The following C16orf87 variants were observed in gnomAD, a reference collection of about 807,000 sequenced individuals.
The protein encoded by C16orf87 is HDAC and MIER1 interacting protein 1, also known as UPF0547 protein C16orf87.
A neutral mutation model predicts 21.0 loss-of-function variants in C16orf87; 13 were observed. That is an observed-to-expected ratio of 0.62 (90% CI 0.40 to 0.98). The LOEUF (loss-of-function observed/expected upper bound fraction) is 0.98, where lower values mean the gene tolerates loss of function less well. C16orf87 is among the 50% of genes least tolerant of loss of function. The probability of loss-of-function intolerance (pLI) is 0.00; values close to 1 mark genes in which losing one functional copy is unlikely to be tolerated. For missense variants in C16orf87, 113 were observed against 180.4 expected (o/e 0.63, Z 2.14); for synonymous variants, 49 against 60.2 (o/e 0.81, Z 0.86).
At chr16:46,810,138 G>T (rs539322878) in intron 2 of C16orf87, among the ~76,000 whole-genome samples, 1 of 152,090 alleles carries the variant, frequency 6.6e-6, no homozygotes, top group South Asian at 2.1e-4. Flanking sequence ...ATTAAGAAAG[G>T]AAAAAAACTG....
At chr16:46,813,999 C>T (rs1251892252) in intron 2 of C16orf87, among the ~76,000 whole-genome samples, 1 of 152,144 alleles carries the variant, frequency 6.6e-6, no homozygotes, top group Non-Finnish European at 1.5e-5. Context: ...ATAGGACACA[C>T]ATTTACCTTA....
rs1596835118 is a variant in C16orf87 at position 46,830,456 on chromosome 16, C to T, written c.66+628G>A. On this transcript the variant is annotated intron_variant, in intron 1 of 3. Transcript: ENST00000285697. ...ACAGGGGCTTTATTCAATCATGACC[C>T]ATTAAAAACGATGTAAAGGCAGGAT... Among the ~76,000 whole-genome samples the T allele has an allele frequency of 3.9e-5, 6 of 152,210 alleles. No individual in the cohort carries two copies. The East Asian group carries it at 1.2e-3, about 29-fold the overall frequency.
At chr16:46,826,024 T>A (rs976509255) in intron 1 of C16orf87, among the ~76,000 whole-genome samples, 1 of 152,082 alleles carries the variant, frequency 6.6e-6, no homozygotes, top group East Asian at 1.9e-4. Context: ...AAAAGTATGC[T>A]GACATAAAAA....
intron 2 of C16orf87, among the ~76,000 whole-genome samples, chr16:46,821,525 A>G (rs1959413047): frequency 6.6e-6 from 1 of 152,168 alleles, no homozygotes; most frequent in African/African-American, 2.4e-5. Context: ...TCTTCACTTC[A>G]AAGTCAAAAG....
intron 1 of C16orf87, chr16:46,830,865 G>A (rs1035033657): frequency 2.7e-5 from 10 of 366,400 alleles, no homozygotes; most frequent in Non-Finnish European, 4.9e-5. Flanking sequence ...GGGCTTGGCC[G>A]TCTGGCCGCC....
At chr16:46,820,106 A>G (rs916905714) in intron 2 of C16orf87, among the ~76,000 whole-genome samples, 4 of 152,234 alleles carry the variant, frequency 2.6e-5, no homozygotes, top group Non-Finnish European at 5.9e-5. Context: ...CGAAGGTATA[A>G]ATAATTGATT....
In C16orf87 at chr16:46,824,510, T is replaced by C. The variant is rs1463681275; in HGVS notation, c.67-28A>G. 5.2e-6 allele frequency: 5 copies of C among 958,624 alleles called. No individual in the cohort carries two copies. In the African/African-American group the frequency reaches 8.5e-5, roughly 16 times the overall value. 59.4% of individuals were successfully genotyped at this position (958,624 alleles called of 1,614,324 possible). ...GTAGGAAAAAAAGAAAAATATATAT[T>C]ATTACTATTTTTCTATTGTTAAATT... On this transcript the variant is annotated intron_variant, in intron 1 of 3. Coordinates refer to ENST00000285697, the MANE Select transcript of C16orf87 (RefSeq NM_001001436.4).
rs1268471592 is a variant in C16orf87 at position 46,796,826 on chromosome 16, T to C, written c.*6126A>G. On this transcript the variant is annotated 3_prime_UTR_variant, in exon 4 of 4. Coordinates refer to ENST00000285697, the MANE Select transcript of C16orf87 (RefSeq NM_001001436.4). Reference sequence around the variant, plus strand: ...AGTAGAGCAGAAAATATCTGAATGGTTTAAAACTTTACATAATCTGATGAA... The same window carrying C: ...AGTAGAGCAGAAAATATCTGAATGGCTTAAAACTTTACATAATCTGATGAA... The C allele has an allele frequency of 6.6e-6, 1 of 152,110 alleles. No individual in the cohort carries two copies. The highest frequency in any genetic ancestry group is 1.5e-5 in the Non-Finnish European group (1 of 68,014). 9.4% of individuals were successfully genotyped at this position (152,110 alleles called of 1,614,324 possible). A position where few individuals can be genotyped will look rare whatever the true frequency, so the allele number is the denominator to read the frequency against.
In C16orf87 at chr16:46,797,956, A is replaced by C. The variant is rs1373431808; in HGVS notation, c.*4996T>G. ...TCTAAATTGAACACAAAATTACAAC[A>C]CAATAAAATTTGTGAGATAAAGCAA... On this transcript the variant is annotated 3_prime_UTR_variant, in exon 4 of 4. Transcript: ENST00000285697. 1.3e-5 allele frequency: 2 copies of C among 152,174 alleles called. No individual in the cohort carries two copies. Among genetic ancestry groups the C allele is most frequent in the South Asian group, 4.1e-4 (2 of 4,834 alleles). 9.4% of individuals were successfully genotyped at this position (152,174 alleles called of 1,614,324 possible).
intron 3 of C16orf87, among the ~76,000 whole-genome samples, chr16:46,806,415 G>A (rs999946916): frequency 9.2e-5 from 14 of 151,974 alleles, no homozygotes; most frequent in Admixed American, 6.5e-4. Flanking sequence ...GCACCACCAC[G>A]CCCGGCTAAT....
At position 46,800,334 on chromosome 16, in the gene C16orf87, A is replaced by G. The variant is rs1261853675; in HGVS notation, c.*2618T>C. The G allele has an allele frequency of 3.3e-5, 5 of 152,176 alleles. No homozygotes were observed. The highest frequency in any genetic ancestry group is 7.3e-5 in the Non-Finnish European group (5 of 68,028). 9.4% of individuals were successfully genotyped at this position (152,176 alleles called of 1,614,324 possible). On this transcript the variant is annotated 3_prime_UTR_variant, in exon 4 of 4. Transcript: ENST00000285697. ...TACTACACAAGAAATAATTTGCACA[A>G]TTTCCCTTACTTTTATATCATTTAC... is the stretch of plus-strand genomic sequence containing the variant.
rs181178134 is a variant in C16orf87 at position 46,800,555 on chromosome 16, C to G, written c.*2397G>C. ...ATATTTAAGAATAAGTTATCTTCAA[C>G]AGACCTAATCTAATTGTGGAATCAT... On this transcript the variant is annotated 3_prime_UTR_variant, in exon 4 of 4. Coordinates refer to ENST00000285697, the MANE Select transcript of C16orf87 (RefSeq NM_001001436.4). The G allele has an allele frequency of 2.0e-5, 3 of 152,280 alleles. No individual in the cohort carries two copies. In the East Asian group the frequency reaches 5.8e-4, roughly 29 times the overall value. 9.4% of individuals were successfully genotyped at this position (152,280 alleles called of 1,614,324 possible). A position where few individuals can be genotyped will look rare whatever the true frequency, so the allele number is the denominator to read the frequency against.
Position 46,800,173 on chromosome 16 carries a change from G to C in C16orf87, c.*2779C>G, listed in dbSNP as rs1212862236. ...TAGGAAGCAACTCAGAGGTCATACT[G>C]ACCTTTTTTTTTTTTTTCTTAAGTA... On this transcript the variant is annotated 3_prime_UTR_variant, in exon 4 of 4. Transcript: ENST00000285697. 1.3e-5 allele frequency: 1 copy of C among 75,700 alleles called. No homozygotes were observed. Among genetic ancestry groups the C allele is most frequent in the African/African-American group, 3.5e-5 (1 of 28,172 alleles). The allele number at this position is 75,700 out of a possible 1,614,324, so 4.7% of individuals were successfully genotyped here.
rs931611340 is a variant in C16orf87, at chr16:46,821,879, G to A, written c.163+2507C>T. Among the ~76,000 whole-genome samples, 7 of 152,154 alleles carry A rather than the reference G, an allele frequency of 4.6e-5. No individual in the cohort carries two copies. In the South Asian group the frequency reaches 1.0e-3, roughly 23 times the overall value. On this transcript the variant is annotated intron_variant, in intron 2 of 3. Coordinates refer to ENST00000285697, the MANE Select transcript of C16orf87 (RefSeq NM_001001436.4). ...TGAAAAAAAAATCTACACGGATGAT[G>A]TTTCTATACCCAAAATTAAATTCTT...
At chr16:46,826,405 T>C (rs1959620877) in intron 1 of C16orf87, among the ~76,000 whole-genome samples, 1 of 152,234 alleles carries the variant, frequency 6.6e-6, no homozygotes, top group Non-Finnish European at 1.5e-5. Context: ...GTTGTTCTGC[T>C]ATGTAAAAAC....
rs572130974 is a variant in C16orf87, at chr16:46,820,309, TA to T, written c.163+4076del. Among the ~76,000 whole-genome samples, 6 of 152,318 alleles carry T rather than the reference TA, an allele frequency of 3.9e-5. No individual in the cohort carries two copies. In the East Asian group the frequency reaches 1.2e-3, roughly 29 times the overall value. On this transcript the variant is annotated intron_variant, in intron 2 of 3. Coordinates refer to ENST00000285697, the MANE Select transcript of C16orf87 (RefSeq NM_001001436.4). Reference sequence around the variant, plus strand: ...CAATGAGCTTTAATTATAGTTTTTTTAAAAAGATGTTTACTTATGCAAACAA... The same window carrying T: ...CAATGAGCTTTAATTATAGTTTTTTTAAAAGATGTTTACTTATGCAAACAA...
intron 2 of C16orf87, among the ~76,000 whole-genome samples, chr16:46,816,132 T>C (rs1203109473): frequency 6.6e-6 from 1 of 152,150 alleles, no homozygotes; most frequent in Admixed American, 6.5e-5. Flanking sequence ...AAGCCAGACA[T>C]AAAAGTACAA....
intron 1 of C16orf87, among the ~76,000 whole-genome samples, chr16:46,828,068 G>A (rs1260786896): frequency 6.6e-6 from 1 of 151,834 alleles, no homozygotes; most frequent in Non-Finnish European, 1.5e-5. Flanking sequence ...CCGAGTAGCT[G>A]GAACTACAGA....
Position 46,800,353 on chromosome 16 carries a change from C to A in C16orf87, c.*2599G>T, listed in dbSNP as rs1270404132. ...TGCACAATTTCCCTTACTTTTATAT[C>A]ATTTACATTTAAATACAGCCAAAAA... On this transcript the variant is annotated 3_prime_UTR_variant, in exon 4 of 4. Coordinates refer to ENST00000285697, the MANE Select transcript of C16orf87 (RefSeq NM_001001436.4). 3 of 152,122 alleles carry A rather than the reference C, an allele frequency of 2.0e-5. No homozygotes were observed. Among genetic ancestry groups the A allele is most frequent in the Non-Finnish European group, 4.4e-5 (3 of 68,012 alleles). The allele number at this position is 152,122 out of a possible 1,614,324, so 9.4% of individuals were successfully genotyped here.
Sources: gnomAD v4.1 joint callset for allele counts (sites outside exome capture counted in the v4.1 genomes callset) on GRCh38, gnomAD v4.1.1 for gene constraint, MANE v1.5 for transcripts, NCBI Gene and HGNC (gene_info 2026-07-23, HGNC 2026-07-21) for gene names.